The following EYS variants were observed in gnomAD, a reference collection of about 807,000 sequenced individuals.
EYS encodes protein eyes shut homolog.
A neutral mutation model predicts 282.1 loss-of-function variants in EYS; 250 were observed. That is an observed-to-expected ratio of 0.89 (90% CI 0.80 to 0.98). EYS has a LOEUF of 0.98. Ranked by LOEUF, EYS falls within the 50% of genes least tolerant of loss-of-function variation. EYS has a pLI of 0.00. For synonymous variants in EYS, 1,355 were observed against 1,282.9 expected (o/e 1.06, Z -1.20); for missense variants, 4,016 against 3,709.0 (o/e 1.08, Z -2.15).
chr6:65,331,720 G>A, intron 11 of EYS: 1 of 981,080 alleles, frequency 1.0e-6, no homozygotes. Flanking sequence ...GAAAATCATT[G>A]TTTCATTAAA....
chr6:65,474,477 T>C (rs1218065391), intron 5 of EYS, among the ~76,000 whole-genome samples: 1 of 152,108 alleles, frequency 6.6e-6, no homozygotes, highest in Non-Finnish European at 1.5e-5. Context: ...CAATGTATGA[T>C]TTCTGAAGAT....
At chr6:65,169,314 C>G (rs1320255205) in intron 12 of EYS, among the ~76,000 whole-genome samples, 3 of 151,346 alleles carry the variant, frequency 2.0e-5, no homozygotes, top group Non-Finnish European at 3.0e-5. Context: ...ATAAATCACA[C>G]CTAAGCTGTA....
intron 40 of EYS, among the ~76,000 whole-genome samples, chr6:63,765,727 A>AT (rs1325686109): frequency 6.6e-6 from 1 of 152,008 alleles, no homozygotes; most frequent in Non-Finnish European, 1.5e-5. Flanking sequence ...GTGCTATCCA[A>AT]TACTAGTCCT....
At chr6:64,912,929 A>C (rs757895764) in intron 15 of EYS, among the ~76,000 whole-genome samples, 186 bp from the exon 16 acceptor site, 1 of 152,144 alleles carries the variant, frequency 6.6e-6, no homozygotes, top group Non-Finnish European at 1.5e-5. Flanking sequence ...ATATATTACC[A>C]TAAAACTTAC....
intron 2 of EYS, among the ~76,000 whole-genome samples, chr6:65,547,978 A>G (rs1203902399): frequency 6.6e-6 from 1 of 152,210 alleles, no homozygotes; most frequent in African/African-American, 2.4e-5. Flanking sequence ...TATCTCATAA[A>G]TGGTTGGCTG....
Position 63,757,616 on chromosome 6 carries a change from G to A in EYS, c.8071+4845C>T, listed in dbSNP as rs571750870. ...CTTGCTGGTTTTGTGGCTCAGGTGG[G>A]CATCACACACCTACCAATATGTGAT... is the stretch of plus-strand genomic sequence containing the variant. On this transcript the variant is annotated intron_variant, in intron 41 of 42. Coordinates refer to ENST00000503581, the MANE Select transcript of EYS (RefSeq NM_001142800.2). Among the ~76,000 whole-genome samples, 7 of 152,112 alleles carry A rather than the reference G, an allele frequency of 4.6e-5. 1 individual carries two copies. In the East Asian group the frequency reaches 1.4e-3, roughly 30 times the overall value.
At chr6:64,968,226 G>T (rs1313599051) in intron 14 of EYS, among the ~76,000 whole-genome samples, 3 of 152,032 alleles carry the variant, frequency 2.0e-5, no homozygotes, top group African/African-American at 7.2e-5. Flanking sequence ...GTAAAAAAAT[G>T]TATATAAAAC....
At chr6:64,681,390 T>G (rs1769888245) in intron 22 of EYS, among the ~76,000 whole-genome samples, 1 of 151,730 alleles carries the variant, frequency 6.6e-6, no homozygotes, top group Non-Finnish European at 1.5e-5. Flanking sequence ...CTTAATAGAG[T>G]GTGACAATAA....
Position 64,066,505 on chromosome 6 carries a change from A to C in EYS, c.6572-14T>G. ...TATTCCCATTACCTTTAAGAAAAAA[A>C]GAATATATTAGTAATTATTGTAGAT... On this transcript the variant is annotated splice_polypyrimidine_tract_variant and intron_variant, in intron 32 of 42. Coordinates refer to ENST00000503581, the MANE Select transcript of EYS (RefSeq NM_001142800.2). The C allele has an allele frequency of 7.1e-7, 1 of 1,402,186 alleles. No individual in the cohort carries two copies. The highest frequency in any genetic ancestry group is 9.8e-7 in the Non-Finnish European group (1 of 1,021,048). The allele number at this position is 1,402,186 out of a possible 1,614,324, so 86.9% of individuals were successfully genotyped here.
At chr6:65,572,945 ATGTTATCAAGACAATTGATGATTTACTT>A (rs1256903290) in intron 2 of EYS, among the ~76,000 whole-genome samples, 1 of 152,142 alleles carries the variant, frequency 6.6e-6, no homozygotes, top group Non-Finnish European at 1.5e-5. Flanking sequence ...TTTTTGATAG[ATGTTATCAAGACAATTGATGATTTACTT>A]CAATGGGCTG....
chr6:64,645,803 G>A (rs769469298), intron 22 of EYS, among the ~76,000 whole-genome samples: 12 of 152,054 alleles, frequency 7.9e-5, no homozygotes, highest in Non-Finnish European at 1.6e-4. Context: ...TTATTGCTAT[G>A]ATTGTTGTTA....
At chr6:64,929,789 C>T (rs560753350) in intron 15 of EYS, among the ~76,000 whole-genome samples, 2 of 152,050 alleles carry the variant, frequency 1.3e-5, no homozygotes, top group Admixed American at 6.6e-5. Context: ...CCACTGGCAA[C>T]GTATGTATGA....
chr6:65,011,750 C>T (rs566494989), intron 13 of EYS, among the ~76,000 whole-genome samples: 1 of 152,286 alleles, frequency 6.6e-6, no homozygotes, highest in Admixed American at 6.5e-5. Context: ...TTAATTCACA[C>T]ACGACCAATC....
intron 5 of EYS, among the ~76,000 whole-genome samples, chr6:65,481,700 C>T (rs1729076699): frequency 6.6e-6 from 1 of 152,156 alleles, no homozygotes; most frequent in Non-Finnish European, 1.5e-5. Flanking sequence ...AGGTGCCCGC[C>T]ACCACGCTCG....
chr6:64,575,270 A>G (rs1017434727), intron 26 of EYS, among the ~76,000 whole-genome samples: 1 of 152,152 alleles, frequency 6.6e-6, no homozygotes, highest in African/African-American at 2.4e-5. Context: ...AGAAAGTAAA[A>G]CATGAAATTT....
intron 2 of EYS, among the ~76,000 whole-genome samples, chr6:65,601,890 GTTAA>G (rs1322722463): frequency 2.0e-5 from 3 of 151,924 alleles, no homozygotes; most frequent in Non-Finnish European, 4.4e-5. Flanking sequence ...CAAATTTTTG[GTTAA>G]TTAAACACAA....
At chr6:64,110,661 A>G (rs1022081892) in intron 31 of EYS, among the ~76,000 whole-genome samples, 2 of 152,008 alleles carry the variant, frequency 1.3e-5, no homozygotes, top group African/African-American at 4.8e-5. Context: ...TATATATGCC[A>G]CATTTTTATT....
chr6:64,504,213 C>T (rs1323993193), intron 26 of EYS, among the ~76,000 whole-genome samples: 1 of 152,152 alleles, frequency 6.6e-6, no homozygotes, highest in Admixed American at 6.5e-5. Context: ...ATGGTACATT[C>T]TTGAAATTCA....
intron 41 of EYS, among the ~76,000 whole-genome samples, chr6:63,760,686 A>G (rs1283501049): frequency 1.3e-5 from 2 of 150,270 alleles, no homozygotes; most frequent in Admixed American, 6.6e-5. Flanking sequence ...CTATCTATCT[A>G]TCTATCTATC....
Sources: gnomAD v4.1 joint callset for allele counts (sites outside exome capture counted in the v4.1 genomes callset) on GRCh38, gnomAD v4.1.1 for gene constraint, MANE v1.5 for transcripts, NCBI Gene and HGNC (gene_info 2026-07-23, HGNC 2026-07-21) for gene names.